The following HYAL4 variants were observed in gnomAD, a reference collection of about 807,000 sequenced individuals.
The protein encoded by HYAL4 is hyaluronidase 4, also known as hyaluronidase-4.
HYAL4 carries 37 observed loss-of-function variants against 35.2 expected under a neutral mutation model. The ratio of observed to expected loss-of-function variants is 1.05; its 90% confidence interval spans 0.81 to 1.38. The LOEUF is 1.38. Ranked by LOEUF, HYAL4 falls within the 40% of genes most tolerant of loss-of-function variation. The probability of loss-of-function intolerance (pLI) is 0.00; values close to 1 mark genes in which losing one functional copy is unlikely to be tolerated. For synonymous variants in HYAL4, 198 were observed against 203.2 expected (o/e 0.97, Z 0.22); for missense variants, 572 against 572.4 (o/e 1.00, Z 0.01).
the HYAL4 span, among the ~76,000 whole-genome samples, chr7:123,798,348 A>T: frequency 6.6e-6 from 1 of 152,198 alleles, no homozygotes; most frequent in African/African-American, 2.4e-5. Context: ...TAAGGGAAAG[A>T]GTAGGTGTGT....
chr7:123,871,193 ATTTT>A (rs534769179), intron 3 of HYAL4, among the ~76,000 whole-genome samples: 1 of 134,804 alleles, frequency 7.4e-6, no homozygotes, highest in Admixed American at 7.5e-5. Context: ...TCTGCCCATG[ATTTT>A]TTTTTTTTTT....
At chr7:123,860,891 A>G (rs1563000619) in intron 2 of HYAL4, among the ~76,000 whole-genome samples, 1 of 152,172 alleles carries the variant, frequency 6.6e-6, no homozygotes, top group Admixed American at 6.6e-5. Flanking sequence ...GCTAAAATAT[A>G]TATGCTTGTA....
At chr7:123,804,160 A>C in the HYAL4 span, among the ~76,000 whole-genome samples, 1 of 152,252 alleles carries the variant, frequency 6.6e-6, no homozygotes, top group East Asian at 1.9e-4. Flanking sequence ...ACCTATGTGA[A>C]TAAACACAGT....
chr7:123,843,616 C>G (rs1806112863), upstream of HYAL4, among the ~76,000 whole-genome samples: 2 of 151,984 alleles, frequency 1.3e-5, no homozygotes, highest in Admixed American at 1.3e-4. Flanking sequence ...CCATTCTCCC[C>G]ATCACTTTCA....
At chr7:123,839,778 ATCT>A (rs1332002610) in intron 1 of HYAL4, among the ~76,000 whole-genome samples, 4 of 152,082 alleles carry the variant, frequency 2.6e-5, no homozygotes, top group African/African-American at 9.7e-5. Flanking sequence ...CTGCATAGAT[ATCT>A]TCTTTTGTGA....
At chr7:123,818,112 A>G in the HYAL4 span, among the ~76,000 whole-genome samples, 2 of 152,234 alleles carry the variant, frequency 1.3e-5, no homozygotes, top group African/African-American at 4.8e-5. Context: ...ACTCACCTTG[A>G]GTGATCTGTC....
the HYAL4 span, among the ~76,000 whole-genome samples, chr7:123,804,097 G>T: frequency 5.6e-3 from 848 of 152,284 alleles, 2 homozygotes; most frequent in Non-Finnish European, 8.3e-3. Flanking sequence ...CTAAGAAAAT[G>T]TAGCTTTCTC....
intron 2 of HYAL4, among the ~76,000 whole-genome samples, chr7:123,865,566 A>G (rs141601667): frequency 5.3e-5 from 8 of 152,336 alleles, no homozygotes; most frequent in African/African-American, 7.2e-5. Flanking sequence ...ATCTACCTCT[A>G]TAGCTCCTAA....
the HYAL4 span, among the ~76,000 whole-genome samples, chr7:123,802,082 A>G: frequency 6.6e-6 from 1 of 152,152 alleles, no homozygotes; most frequent in South Asian, 2.1e-4. Flanking sequence ...GAAGAAACTG[A>G]GCATATGATC....
chr7:123,786,704 G>A, the HYAL4 span, among the ~76,000 whole-genome samples: 1 of 145,674 alleles, frequency 6.9e-6, no homozygotes, highest in African/African-American at 2.6e-5. Flanking sequence ...ATTTTGGTAT[G>A]TATCACATGC....
At chr7:123,859,524 G>C (rs17146428) in intron 2 of HYAL4, among the ~76,000 whole-genome samples, 3,112 of 152,098 alleles carry the variant, frequency 0.02, 96 homozygotes, top group African/African-American at 0.071. Flanking sequence ...TGTCAGAATA[G>C]AGCCTTAACT....
intron 2 of HYAL4, among the ~76,000 whole-genome samples, chr7:123,858,196 CAAAA>C (rs1268614620): frequency 6.6e-6 from 1 of 151,966 alleles, no homozygotes; most frequent in African/African-American, 2.4e-5. Flanking sequence ...AACAAACAAA[CAAAA>C]GAAATGTATG....
chr7:123,830,805 T>C (rs1025050147), intron 1 of HYAL4, among the ~76,000 whole-genome samples: 1 of 152,192 alleles, frequency 6.6e-6, no homozygotes, highest in Admixed American at 6.5e-5. Flanking sequence ...ATAATTTGCT[T>C]TCAATTTTTT....
the HYAL4 span, among the ~76,000 whole-genome samples, chr7:123,818,248 T>G: frequency 2.4e-3 from 364 of 152,344 alleles, 1 homozygote; most frequent in Non-Finnish European, 4.0e-3. Flanking sequence ...GAAATTCATA[T>G]GTTTTTACTT....
the HYAL4 span, among the ~76,000 whole-genome samples, chr7:123,823,737 A>G: frequency 2.7e-5 from 4 of 146,846 alleles, no homozygotes; most frequent in Non-Finnish European, 4.5e-5. Flanking sequence ...TTTTATATAT[A>G]TATATATACA....
intron 2 of HYAL4, among the ~76,000 whole-genome samples, chr7:123,861,657 T>G (rs1176786267): frequency 6.6e-6 from 1 of 152,162 alleles, no homozygotes; most frequent in African/African-American, 2.4e-5. Flanking sequence ...AATAATATAG[T>G]GAATTTACCA....
intron 1 of HYAL4, among the ~76,000 whole-genome samples, chr7:123,837,250 G>C (rs1805978988): frequency 6.6e-6 from 1 of 152,140 alleles, no homozygotes; most frequent in Admixed American, 6.5e-5. Flanking sequence ...CTTATAACTT[G>C]TAAGGTTTCT....
rs752572728 is a variant in HYAL4, at chr7:123,877,084, T to C, written c.1375T>C (p.Ser459Pro). 3.1e-6 allele frequency: 5 copies of C among 1,614,120 alleles called. No individual in the cohort carries two copies. The highest frequency in any genetic ancestry group is 1.7e-5 in the Admixed American group (1 of 60,012). Residue 459 changes from serine to proline, a missense_variant, in exon 5 of 5, where the codon TCC becomes CCC. Coordinates refer to ENST00000223026, the MANE Select transcript of HYAL4 (RefSeq NM_012269.3). The stretch of plus-strand genomic sequence containing the variant: ...GACGGCTGATGGCTGCTCTGGGGTT[T>C]CCCCTTCTCCTGGTTCACTAATGAC... ...IKTADGCSGV[S>P]PSPGSLMTLC...
At chr7:123,833,724 T>A (rs1805919212) in intron 1 of HYAL4, among the ~76,000 whole-genome samples, 1 of 152,202 alleles carries the variant, frequency 6.6e-6, no homozygotes, top group Non-Finnish European at 1.5e-5. Flanking sequence ...CATCTTAGAT[T>A]TAAGTTCTTG....
Sources: allele counts gnomAD v4.1 joint callset (sites outside exome capture counted in the v4.1 genomes callset), GRCh38; gene constraint gnomAD v4.1.1; transcripts MANE v1.5; gene names NCBI Gene and HGNC (gene_info 2026-07-23, HGNC 2026-07-21).